The following CA10 variants were observed in gnomAD, a reference collection of about 807,000 sequenced individuals.
CA10 encodes carbonic anhydrase-related protein 10.
In CA10, 14 loss-of-function variants were observed where a neutral mutation model predicts 44.2. The ratio of observed to expected loss-of-function variants is 0.32; its 90% CI spans 0.21 to 0.50. CA10 has a LOEUF of 0.50. Ranked by LOEUF, CA10 falls within the 20% of genes least tolerant of loss-of-function variation. The pLI is 0.99. For synonymous variants in CA10, 159 were observed against 141.6 expected (o/e 1.12, Z -0.87); for missense variants, 350 against 409.7 (o/e 0.85, Z 1.26).
intron 2 of CA10, among the ~76,000 whole-genome samples, chr17:51,933,985 AAC>A (rs1982764866): frequency 3.9e-5 from 6 of 152,058 alleles, no homozygotes; most frequent in Admixed American, 2.0e-4. Flanking sequence ...CTTTATGACG[AAC>A]AGTTTCGGGG....
At chr17:51,984,479 C>T (rs1291743533) in intron 2 of CA10, among the ~76,000 whole-genome samples, 1 of 151,496 alleles carries the variant, frequency 6.6e-6, no homozygotes, top group Admixed American at 6.6e-5. Flanking sequence ...CAAACCCAAA[C>T]CCAACAGAAA....
chr17:51,961,281 G>A (rs1030498322), intron 2 of CA10, among the ~76,000 whole-genome samples: 1 of 151,034 alleles, frequency 6.6e-6, no homozygotes, highest in Non-Finnish European at 1.5e-5. Context: ...TTTCTGTAAT[G>A]CATTTAAAGC....
chr17:51,916,384 A>T (rs1435191279), intron 3 of CA10, among the ~76,000 whole-genome samples: 1 of 152,178 alleles, frequency 6.6e-6, no homozygotes, highest in Admixed American at 6.5e-5. Flanking sequence ...CTTTGTCCCC[A>T]CCCAAATCTC....
intron 4 of CA10, among the ~76,000 whole-genome samples, chr17:51,667,733 G>C (rs1229909134): frequency 6.6e-6 from 1 of 152,156 alleles, no homozygotes; most frequent in East Asian, 1.9e-4. Context: ...AGTTGGGGGT[G>C]ACAGTGGGGA....
chr17:51,920,172 G>A (rs546702438), intron 3 of CA10, among the ~76,000 whole-genome samples: 18 of 152,192 alleles, frequency 1.2e-4, no homozygotes, highest in African/African-American at 2.7e-4. Flanking sequence ...TTTAAGTACC[G>A]TCACTAAAAT....
chr17:52,007,208 T>A (rs2144128748), intron 2 of CA10, among the ~76,000 whole-genome samples: 1 of 151,792 alleles, frequency 6.6e-6, no homozygotes, highest in African/African-American at 2.4e-5. Flanking sequence ...GTGACAATTT[T>A]TTTTCTTCTT....
intron 1 of CA10, among the ~76,000 whole-genome samples, chr17:52,148,303 C>T (rs1457580887): frequency 1.3e-5 from 2 of 152,176 alleles, no homozygotes; most frequent in African/African-American, 4.8e-5. Context: ...CAAACAATCT[C>T]CTCAAGTAGG....
chr17:52,124,932 T>C (rs1989087773), intron 1 of CA10, among the ~76,000 whole-genome samples: 1 of 152,206 alleles, frequency 6.6e-6, no homozygotes, highest in Admixed American at 6.5e-5. Flanking sequence ...ATGATCTAGA[T>C]CTTGCTTACA....
intron 3 of CA10, among the ~76,000 whole-genome samples, chr17:51,780,576 G>T (rs965666978): frequency 6.6e-6 from 1 of 152,186 alleles, no homozygotes; most frequent in Non-Finnish European, 1.5e-5. Context: ...GCATGATGAG[G>T]GGTAAGGATG....
intron 2 of CA10, among the ~76,000 whole-genome samples, chr17:52,001,088 C>T (rs373334988): frequency 8.6e-5 from 13 of 151,780 alleles, no homozygotes; most frequent in African/African-American, 2.7e-4. Context: ...GCTTAGTCTA[C>T]GAAGACCTGG....
At chr17:52,053,283 C>A (rs1987129697) in intron 2 of CA10, among the ~76,000 whole-genome samples, 1 of 151,992 alleles carries the variant, frequency 6.6e-6, no homozygotes. Context: ...GAAATCATAC[C>A]AGCTTCCAAT....
Position 51,784,842 on chromosome 17 carries a change from G to A in CA10, c.280-37024C>T, listed in dbSNP as rs181348846. Among the ~76,000 whole-genome samples, 139 of 152,232 alleles carry A rather than the reference G, an allele frequency of 9.1e-4. 1 individual carries two copies. Among genetic ancestry groups the A allele is most frequent in the African/African-American group, 3.2e-3 (134 of 41,542 alleles). On this transcript the variant is annotated intron_variant, in intron 3 of 8. Transcript: ENST00000451037. ...AATTATTATTGACTATGGTCACCCT[G>A]TTGTGCTATCAAATACTAGGTCTTA...
intron 3 of CA10, among the ~76,000 whole-genome samples, chr17:51,925,458 G>T (rs1383353791): frequency 2.6e-5 from 4 of 151,864 alleles, no homozygotes; most frequent in African/African-American, 9.7e-5. Context: ...TTTCTGTGAG[G>T]ATATGGAAAG....
intron 1 of CA10, among the ~76,000 whole-genome samples, chr17:52,104,276 C>T (rs1298107416): frequency 6.6e-6 from 1 of 151,690 alleles, no homozygotes; most frequent in Non-Finnish European, 1.5e-5. Context: ...CTGCTCACTG[C>T]AACCTTGGCC....
chr17:52,031,818 A>G (rs1190908690), intron 2 of CA10, among the ~76,000 whole-genome samples: 3 of 152,164 alleles, frequency 2.0e-5, no homozygotes, highest in Non-Finnish European at 4.4e-5. Flanking sequence ...GATAAATCAA[A>G]TGATGAAAAA....
At chr17:52,119,374 G>GA (rs1206903702) in intron 1 of CA10, among the ~76,000 whole-genome samples, 1 of 152,174 alleles carries the variant, frequency 6.6e-6, no homozygotes, top group African/African-American at 2.4e-5. Context: ...TCCCGTTAAG[G>GA]AATCAAGCTT....
At chr17:52,134,869 T>A (rs766825410) in intron 1 of CA10, 1 of 518,932 alleles carries the variant, frequency 1.9e-6, no homozygotes, top group Non-Finnish European at 3.8e-6. Context: ...CTGGGCTCCT[T>A]CTGACTCACC....
At chr17:51,698,185 C>CAA (rs1915466259) in intron 4 of CA10, among the ~76,000 whole-genome samples, 1 of 152,102 alleles carries the variant, frequency 6.6e-6, no homozygotes, top group Non-Finnish European at 1.5e-5. Context: ...TTGCTGCTTC[C>CAA]CATCCTTTCT....
At chr17:52,087,331 A>T (rs1324610880) in intron 1 of CA10, among the ~76,000 whole-genome samples, 2 of 152,180 alleles carry the variant, frequency 1.3e-5, no homozygotes, top group Non-Finnish European at 2.9e-5. Flanking sequence ...TAGTAGAGAC[A>T]GAGTTTTGCC....
Sources: gnomAD v4.1 joint callset for allele counts (sites outside exome capture counted in the v4.1 genomes callset) on GRCh38, gnomAD v4.1.1 for gene constraint, MANE v1.5 for transcripts, NCBI Gene and HGNC (gene_info 2026-07-23, HGNC 2026-07-21) for gene names.